Variants in PKHD1 observed in about 807,000 individuals in gnomAD.
PKHD1 encodes PKHD1 ciliary IPT domain containing fibrocystin/polyductin, also known as fibrocystin.
Under a neutral mutation model 412.0 loss-of-function variants are expected in PKHD1, and 291 were observed. The observed-to-expected ratio is 0.71, with a 90% confidence interval of 0.64 to 0.78. The LOEUF is 0.78. Among genes scored for constraint, PKHD1 ranks in the 30% least tolerant of loss-of-function variants. The probability of loss-of-function intolerance (pLI) is 0.00; values close to 1 mark genes in which losing one functional copy is unlikely to be tolerated. For missense variants in PKHD1, 4,825 were observed against 4,950.7 expected (o/e 0.97, Z 0.76); for synonymous variants, 1,777 against 1,821.5 (o/e 0.98, Z 0.62).
intron 28 of PKHD1, among the ~76,000 whole-genome samples, chr6:52,033,950 G>C (rs1366439661): frequency 6.6e-6 from 1 of 151,956 alleles, no homozygotes; most frequent in African/African-American, 2.4e-5. Flanking sequence ...CCAACATGGA[G>C]AAACCCCACC....
At chr6:51,982,165 C>A (rs1183385693) in intron 35 of PKHD1, among the ~76,000 whole-genome samples, 1 of 44,430 alleles carries the variant, frequency 2.3e-5, no homozygotes, top group African/African-American at 7.3e-5. Context: ...GCCCGGCAGC[C>A]ACCCCGTCCG....
chr6:51,670,020 T>C (rs1176596653), intron 60 of PKHD1, among the ~76,000 whole-genome samples: 1 of 151,408 alleles, frequency 6.6e-6, no homozygotes. Flanking sequence ...AATTGTATAT[T>C]CTGGTGATTT....
At chr6:51,859,715 CT>C (rs1773894903) in intron 48 of PKHD1, among the ~76,000 whole-genome samples, 3 of 152,064 alleles carry the variant, frequency 2.0e-5, no homozygotes, top group Non-Finnish European at 4.4e-5. Flanking sequence ...GTTATTTCCC[CT>C]GACTCAGTTT....
chr6:51,653,732 A>G (rs1359907461), intron 61 of PKHD1, among the ~76,000 whole-genome samples: 1 of 152,102 alleles, frequency 6.6e-6, no homozygotes. Flanking sequence ...ACCTCTTAGG[A>G]GTTGACTAGC....
rs149402089 is a variant in PKHD1 at position 51,650,832 on chromosome 6, T to A, written c.11175-1612A>T. On this transcript the variant is annotated intron_variant, in intron 61 of 66. Transcript: ENST00000371117. ...CACTAGCCCCATCATCATTTCTTAG[T>A]TTGTTTAGCCTGAGTGGCTAGGGCT... 5.8e-3 allele frequency among the ~76,000 whole-genome samples: 888 copies of A among 152,254 alleles called. 11 individuals carry two copies. The highest frequency in any genetic ancestry group is 0.021 in the African/African-American group (852 of 41,558).
chr6:51,670,916 T>A (rs1347091189), intron 60 of PKHD1, among the ~76,000 whole-genome samples: 3 of 152,032 alleles, frequency 2.0e-5, no homozygotes, highest in African/African-American at 4.8e-5. Flanking sequence ...CCGAGAGATC[T>A]GCTGGTAGTC....
In PKHD1 at chr6:52,058,771, CTCTATCTA is replaced by C. The variant is rs56342114; in HGVS notation, c.1234-178_1234-171del. The stretch of plus-strand genomic sequence containing the variant: ...TGTGGTTATTTATGCTTCTCCAGCT[CTCTATCTA>C]TCTATCTATCTATCTATCTATCTAT... On this transcript the variant is annotated intron_variant, in intron 15 of 66. Transcript: ENST00000371117. Among the ~76,000 whole-genome samples the C allele has an allele frequency of 3.2e-3, 485 of 149,270 alleles. 4 individuals are homozygous for C. The highest frequency in any genetic ancestry group is 8.0e-3 in the African/African-American group (322 of 40,432).
chr6:51,936,911 AG>A (rs1787586014), intron 36 of PKHD1, among the ~76,000 whole-genome samples: 1 of 152,238 alleles, frequency 6.6e-6, no homozygotes, highest in Non-Finnish European at 1.5e-5. Flanking sequence ...GGCCCTGCAA[AG>A]CTGTCTCTTG....
intron 2 of PKHD1, among the ~76,000 whole-genome samples, chr6:52,084,013 T>C (rs1413454056): frequency 6.6e-6 from 1 of 151,932 alleles, no homozygotes; most frequent in Non-Finnish European, 1.5e-5. Flanking sequence ...CTAGGCTAGA[T>C]TGGATTCTCC....
In PKHD1 at chr6:51,632,557, C is replaced by G. The variant is rs774561158; in HGVS notation, c.11665+8G>C. On this transcript the variant is annotated splice_region_variant and intron_variant, in intron 65 of 66. Transcript: ENST00000371117. Reference sequence around the variant, plus strand: ...TTTTCATTCCAAAATAAAAAAAAAACTACATACTTCTGCTTTTGCTTCTTT... The same window carrying G: ...TTTTCATTCCAAAATAAAAAAAAAAGTACATACTTCTGCTTTTGCTTCTTT... 1.9e-6 allele frequency: 3 copies of G among 1,595,978 alleles called. No homozygotes were observed. The Admixed American group carries it at 5.1e-5, about 27-fold the overall frequency.
rs1208861669 is a variant in PKHD1, at chr6:52,036,445, C to A, written c.3098-724G>T. ...TGGCACACGTTTCCATGTGGAGGAGCAGCCTTTGATCTAGCTAATGTATAA... is the reference window on the plus strand; with the variant it reads ...TGGCACACGTTTCCATGTGGAGGAGAAGCCTTTGATCTAGCTAATGTATAA... On this transcript the variant is annotated intron_variant, in intron 27 of 66. Coordinates refer to ENST00000371117, the MANE Select transcript of PKHD1 (RefSeq NM_138694.4). Among the ~76,000 whole-genome samples the A allele has an allele frequency of 2.0e-5, 3 of 152,240 alleles. No homozygotes were observed. The East Asian group carries it at 5.8e-4, about 29-fold the overall frequency.
chr6:52,056,512 C>A (rs1215568990), intron 18 of PKHD1, among the ~76,000 whole-genome samples, 186 bp downstream of exon 18: 4 of 152,058 alleles, frequency 2.6e-5, no homozygotes, highest in African/African-American at 4.8e-5. Flanking sequence ...TTGACACCCA[C>A]CGAGCATCAA....
intron 64 of PKHD1, among the ~76,000 whole-genome samples, chr6:51,635,095 T>A (rs1468355389): frequency 6.6e-6 from 1 of 152,068 alleles, no homozygotes; most frequent in Non-Finnish European, 1.5e-5. Flanking sequence ...CCTGGCTAAT[T>A]TTTTGTTAAT....
intron 52 of PKHD1, among the ~76,000 whole-genome samples, chr6:51,809,198 C>T (rs1393169337): frequency 6.6e-6 from 1 of 151,996 alleles, no homozygotes; most frequent in Admixed American, 6.6e-5. Context: ...CCTTTTGATT[C>T]CTTTATATTT....
Position 52,066,072 on chromosome 6 carries a change from A to G in PKHD1, c.784T>C (p.Leu262=). Residue 262 remains leucine, a synonymous_variant, in exon 12 of 67, where the codon TTA becomes CTA. Coordinates refer to ENST00000371117, the MANE Select transcript of PKHD1 (RefSeq NM_138694.4). ...LFLYQTHSEI[L]SVFPETGSLG... ...CTCCCAGTTTCTGGAAACACAGATA[A>G]TATTTCTGCAAGAGTTAAAAAAAAA... The G allele has an allele frequency of 6.8e-7, 1 of 1,472,180 alleles. No homozygotes were observed. Among genetic ancestry groups the G allele is most frequent in the Non-Finnish European group, 9.5e-7 (1 of 1,057,446 alleles). The allele number at this position is 1,472,180 out of a possible 1,614,324, so 91.2% of individuals were successfully genotyped here. A position where few individuals can be genotyped will look rare whatever the true frequency, so the allele number is the denominator to read the frequency against.
intron 63 of PKHD1, among the ~76,000 whole-genome samples, chr6:51,643,297 T>A (rs1225212888): frequency 6.6e-6 from 1 of 152,162 alleles, no homozygotes; most frequent in Non-Finnish European, 1.5e-5. Context: ...ACATGCCTTG[T>A]GTCTACAAAT....
intron 52 of PKHD1, among the ~76,000 whole-genome samples, chr6:51,805,769 G>C (rs1388787863): frequency 2.6e-5 from 4 of 152,132 alleles, no homozygotes; most frequent in African/African-American, 9.7e-5. Flanking sequence ...TGGCTGCAGT[G>C]GGGGAGAATG....
intron 60 of PKHD1, among the ~76,000 whole-genome samples, chr6:51,699,047 GGTTA>G (rs1779116693): frequency 6.6e-6 from 1 of 152,122 alleles, no homozygotes; most frequent in East Asian, 1.9e-4. Flanking sequence ...AGCCTCAGTT[GGTTA>G]AACAATTATC....
At chr6:51,679,337 T>C (rs1776308298) in intron 60 of PKHD1, among the ~76,000 whole-genome samples, 1 of 152,010 alleles carries the variant, frequency 6.6e-6, no homozygotes, top group African/African-American at 2.4e-5. Context: ...ACTGGAGAAA[T>C]GGCACAGGAA....
Sources: allele counts gnomAD v4.1 joint callset (sites outside exome capture counted in the v4.1 genomes callset), GRCh38; gene constraint gnomAD v4.1.1; transcripts MANE v1.5; gene names NCBI Gene and HGNC (gene_info 2026-07-23, HGNC 2026-07-21).